Variants in ROBO2 observed in about 807,000 individuals in gnomAD.
The protein encoded by ROBO2 is roundabout guidance receptor 2.
In ROBO2, 53 loss-of-function variants were observed where a neutral mutation model predicts 160.8. The observed-to-expected ratio is 0.33, with a 90% CI of 0.26 to 0.41. The LOEUF is 0.41. ROBO2 is among the 10% of genes least tolerant of loss of function. ROBO2 has a pLI of 1.00. For missense variants in ROBO2, 1,577 were observed against 1,722.4 expected, an observed-to-expected ratio of 0.92 and a Z score of 1.49; for synonymous variants, 664 against 611.7, an observed-to-expected ratio of 1.09 and a Z score of -1.26.
chr3:76,864,710 C>T (rs750940106), intron 2 of ROBO2, among the ~76,000 whole-genome samples: 31 of 151,978 alleles, frequency 2.0e-4, no homozygotes, highest in African/African-American at 7.0e-4. Flanking sequence ...ATTTGACATC[C>T]GCAGGCACAA....
chr3:77,019,123 A>G (rs2062464792), intron 2 of ROBO2, among the ~76,000 whole-genome samples: 1 of 152,190 alleles, frequency 6.6e-6, no homozygotes, highest in Non-Finnish European at 1.5e-5. Flanking sequence ...AAGTTATCTT[A>G]GTCCACTTGG....
rs149932446 is a variant in ROBO2 at position 76,582,235 on chromosome 3, A to C, written c.110-515779A>C. ...CTTTAAAAATGATTCTTCTTCAGTT[A>C]CTCCATAAGATTGACCCTTCAAATC... On this transcript the variant is annotated intron_variant, in intron 2 of 26. Transcript: ENST00000487694. Among the ~76,000 whole-genome samples, 1,428 of 152,264 alleles carry C rather than the reference A, an allele frequency of 9.4e-3. 14 individuals are homozygous for C. Among genetic ancestry groups the C allele is most frequent in the Non-Finnish European group, 0.015 (998 of 68,008 alleles).
At position 75,921,338 on chromosome 3, in the gene ROBO2, A is replaced by G. The variant is rs1947039401; in HGVS notation, c.-14+14378A>G. Among the ~76,000 whole-genome samples, 6 of 144,542 alleles carry G rather than the reference A, an allele frequency of 4.2e-5. No homozygotes were observed. The Admixed American group carries it at 4.3e-4, about 10-fold the overall frequency. 94.8% of individuals were successfully genotyped at this position (144,542 alleles called of 152,430 possible). A position where few individuals can be genotyped will look rare whatever the true frequency, so the allele number is the denominator to read the frequency against. On this transcript the variant is annotated intron_variant, in intron 1 of 26. Transcript: ENST00000487694. ...ATTCCGTATGTACATCATGAAAACA[A>G]GTGCATGTGATATACATACACACAC... is the stretch of plus-strand genomic sequence containing the variant.
intron 2 of ROBO2, among the ~76,000 whole-genome samples, chr3:76,556,602 G>A (rs12492628): frequency 0.47 from 72,087 of 151,866 alleles, 19,516 homozygotes; most frequent in Non-Finnish European, 0.59. Context: ...ATTTCTAATT[G>A]GAATTTTTGT....
intron 2 of ROBO2, among the ~76,000 whole-genome samples, chr3:77,222,016 C>G (rs977946399): frequency 2.6e-5 from 4 of 151,882 alleles, no homozygotes; most frequent in Non-Finnish European, 5.9e-5. Context: ...CTACTCCCAG[C>G]TAATTTTTGC....
At chr3:76,281,921 C>G (rs1029000512) in intron 2 of ROBO2, among the ~76,000 whole-genome samples, 1 of 151,994 alleles carries the variant, frequency 6.6e-6, no homozygotes, top group African/African-American at 2.4e-5. Flanking sequence ...CCCTCTGGAG[C>G]TTACCCAATG....
chr3:77,402,491 G>A (rs114238837), intron 2 of ROBO2, among the ~76,000 whole-genome samples: 4,144 of 151,918 alleles, frequency 0.027, 86 homozygotes, highest in East Asian at 0.077. Flanking sequence ...TCAGGGAAAG[G>A]CAATCTCCCA....
intron 8 of ROBO2, among the ~76,000 whole-genome samples, chr3:77,556,146 T>C (rs549812445): frequency 6.6e-6 from 1 of 152,036 alleles, no homozygotes; most frequent in African/African-American, 2.4e-5. Context: ...TCTCACTGCA[T>C]TAAAAAATTA....
In ROBO2 at chr3:77,213,614, C is replaced by A. The variant is rs554320637; in HGVS notation, c.388+115274C>A. ...TCTGATCTTAGTTATTTCTTGCCTT[C>A]TGCTAGCTTTTGAATGTGTTTGCTC... On this transcript the variant is annotated intron_variant, in intron 2 of 25. Coordinates refer to ENST00000461745, the Ensembl canonical transcript of ROBO2. Among the ~76,000 whole-genome samples, 260 of 152,250 alleles carry A rather than the reference C, an allele frequency of 1.7e-3. 1 individual carries two copies. The highest frequency in any genetic ancestry group is 6.0e-3 in the African/African-American group (248 of 41,544).
chr3:77,266,629 T>C (rs763100843), intron 2 of ROBO2, among the ~76,000 whole-genome samples: 2 of 152,138 alleles, frequency 1.3e-5, no homozygotes, highest in Admixed American at 6.6e-5. Context: ...GTGATGAACT[T>C]TGGACCAGGA....
At chr3:77,139,331 TC>T (rs1339914660) in intron 2 of ROBO2, among the ~76,000 whole-genome samples, 6 of 152,160 alleles carry the variant, frequency 3.9e-5, no homozygotes, top group Non-Finnish European at 7.4e-5. Context: ...AAAATCTCCT[TC>T]CATGTACTTT....
intron 16 of ROBO2, 58 bp from the exon 18 acceptor site, chr3:77,588,693 T>C: frequency 6.6e-7 from 1 of 1,505,290 alleles, no homozygotes; most frequent in Non-Finnish European, 9.2e-7. Context: ...GCACCATGTT[T>C]ATATTCCTGT....
intron 2 of ROBO2, among the ~76,000 whole-genome samples, chr3:76,673,001 G>T (rs1437968334): frequency 2.0e-5 from 3 of 151,840 alleles, no homozygotes; most frequent in Non-Finnish European, 4.4e-5. Flanking sequence ...CTACACAAGT[G>T]TCTTAAGTGA....
chr3:76,136,172 T>G (rs2071422361), intron 2 of ROBO2, among the ~76,000 whole-genome samples: 1 of 152,130 alleles, frequency 6.6e-6, no homozygotes, highest in African/African-American at 2.4e-5. Flanking sequence ...ACAGCATTTT[T>G]GGAAGGTATT....
intron 2 of ROBO2, among the ~76,000 whole-genome samples, chr3:76,193,748 G>A (rs887422356): frequency 2.0e-5 from 3 of 152,188 alleles, no homozygotes; most frequent in African/African-American, 7.2e-5. Context: ...AAAATGTTGT[G>A]TGAATACAAA....
intron 2 of ROBO2, among the ~76,000 whole-genome samples, chr3:76,804,081 A>G (rs545511183): frequency 7.2e-5 from 11 of 152,186 alleles, no homozygotes; most frequent in African/African-American, 1.2e-4. Flanking sequence ...CTGAGTTCCT[A>G]TCTTGTGTGG....
chr3:77,242,307 G>A (rs552156932), intron 2 of ROBO2, among the ~76,000 whole-genome samples: 55 of 152,138 alleles, frequency 3.6e-4, no homozygotes, highest in African/African-American at 1.3e-3. Flanking sequence ...TTTTTCTGAA[G>A]CTTAGTTTTC....
At chr3:76,434,182 G>A in intron 2 of ROBO2, 1 of 1,125,870 alleles carries the variant, frequency 8.9e-7, no homozygotes, top group East Asian at 2.3e-5. Context: ...TTGAAGATCA[G>A]TAAAGAGACT....
At chr3:77,442,792 A>T (rs7640705) in intron 2 of ROBO2, among the ~76,000 whole-genome samples, 22,817 of 152,042 alleles carry the variant, frequency 0.15, 2,223 homozygotes, top group African/African-American at 0.27. Flanking sequence ...CTCTTCCAAG[A>T]TCTATTGTGA....
Sources: allele counts gnomAD v4.1 joint callset (sites outside exome capture counted in the v4.1 genomes callset), GRCh38; gene constraint gnomAD v4.1.1; transcripts MANE v1.5; gene names NCBI Gene and HGNC (gene_info 2026-07-23, HGNC 2026-07-21).